SLC15A5: variants seen among roughly 807,000 people sequenced by gnomAD.
SLC15A5 encodes Peptide/histidine transporter ENSP00000340402.
A neutral mutation model predicts 56.1 loss-of-function variants in SLC15A5; 58 were observed. That is an observed-to-expected ratio of 1.03 (90% CI 0.84 to 1.29). The LOEUF is 1.29. Among genes scored for constraint, SLC15A5 ranks in the 50% most tolerant of loss-of-function variants. The pLI is 0.00. For missense variants in SLC15A5, 681 were observed against 672.1 expected, an observed-to-expected ratio of 1.01 and a Z score of -0.15; for synonymous variants, 264 against 250.5, an observed-to-expected ratio of 1.05 and a Z score of -0.51.
intron 7 of SLC15A5, among the ~76,000 whole-genome samples, chr12:16,213,732 G>A (rs553285481): frequency 6.6e-6 from 1 of 152,238 alleles, no homozygotes; most frequent in African/African-American, 2.4e-5. Flanking sequence ...ATTGATGAGT[G>A]GTAATTTAAA....
At chr12:16,233,474 G>T (rs1363611494) in intron 5 of SLC15A5, among the ~76,000 whole-genome samples, 3 of 152,154 alleles carry the variant, frequency 2.0e-5, no homozygotes, top group Admixed American at 6.5e-5. Context: ...CAAATCAGTT[G>T]CAAATGTTCA....
At chr12:16,224,701 C>G in intron 5 of SLC15A5, 99 bp from the exon 6 acceptor site, 1 of 1,177,598 alleles carries the variant, frequency 8.5e-7, no homozygotes, top group Non-Finnish European at 1.1e-6. Context: ...TTAGATGTTT[C>G]TTTTTTGTTT....
chr12:16,240,268 C>T (rs1172443478), intron 4 of SLC15A5, among the ~76,000 whole-genome samples: 3 of 151,920 alleles, frequency 2.0e-5, no homozygotes, highest in Non-Finnish European at 4.4e-5. Context: ...TCTGTTTTTA[C>T]CCTGATGAAA....
chr12:16,222,606 A>G (rs1165687668), intron 6 of SLC15A5, among the ~76,000 whole-genome samples: 3 of 152,202 alleles, frequency 2.0e-5, no homozygotes, highest in Non-Finnish European at 2.9e-5. Flanking sequence ...CATTATCCCA[A>G]TAGCAGATGA....
intron 1 of SLC15A5, among the ~76,000 whole-genome samples, chr12:16,274,929 T>C (rs1471220303): frequency 6.6e-6 from 1 of 152,040 alleles, no homozygotes; most frequent in African/African-American, 2.4e-5. Flanking sequence ...CAATGACATA[T>C]ATGAAGAAAA....
At chr12:16,199,024 C>G (rs1164522412) in intron 7 of SLC15A5, among the ~76,000 whole-genome samples, 1 of 151,960 alleles carries the variant, frequency 6.6e-6, no homozygotes, top group African/African-American at 2.4e-5. Flanking sequence ...CCCTATTAGC[C>G]AGGCCAGCTG....
At chr12:16,232,325 C>T (rs999153045) in intron 5 of SLC15A5, among the ~76,000 whole-genome samples, 1 of 151,978 alleles carries the variant, frequency 6.6e-6, no homozygotes, top group Non-Finnish European at 1.5e-5. Context: ...AAAAATCAAA[C>T]AAACACATTT....
At chr12:16,204,083 G>A (rs1268842379) in intron 7 of SLC15A5, among the ~76,000 whole-genome samples, 1 of 152,060 alleles carries the variant, frequency 6.6e-6, no homozygotes, top group Non-Finnish European at 1.5e-5. Context: ...TTATATACTT[G>A]GATGGACCAC....
chr12:16,257,701 G>A lies in SLC15A5; in HGVS notation c.754C>T (p.Arg252Cys), dbSNP rs1439141234. The change falls in exon 3 of 9, where the codon CGT (arginine) becomes TGT (cysteine). Residue 252 changes from arginine (R) to cysteine (C), a missense_variant and splice_region_variant. By Grantham distance (180) the Arg-to-Cys change is radical. Transcript: ENST00000344941. ...YYNLIYQSEKRCSLLTGVGVL... is the reference protein window; with the variant it reads ...YYNLIYQSEKCCSLLTGVGVL... ...TCAATGTAACGCATAATTTACTTAC[G>A]TTTTTCTGACTGATAAATTAGGTTG... The A allele has an allele frequency of 1.9e-5, 28 of 1,456,904 alleles. No homozygotes were observed. The highest frequency in any genetic ancestry group is 2.9e-5 in the Admixed American group (1 of 34,804). The allele number at this position is 1,456,904 out of a possible 1,614,324, so 90.2% of individuals were successfully genotyped here. A position where few individuals can be genotyped will look rare whatever the true frequency, so the allele number is the denominator to read the frequency against.
intron 2 of SLC15A5, among the ~76,000 whole-genome samples, chr12:16,267,889 C>T (rs1215184088): frequency 1.2e-5 from 1 of 80,070 alleles, no homozygotes; most frequent in Non-Finnish European, 2.6e-5. Context: ...CAGGTTCACC[C>T]CACCATGCCT....
chr12:16,190,200 AAAG>A (rs1227052932), intron 8 of SLC15A5, among the ~76,000 whole-genome samples: 4 of 152,164 alleles, frequency 2.6e-5, no homozygotes, highest in Non-Finnish European at 5.9e-5. Context: ...CACCATTGTC[AAAG>A]AAGGAGTCTA....
At chr12:16,247,169 G>A (rs1180137327) in intron 3 of SLC15A5, among the ~76,000 whole-genome samples, 1 of 152,138 alleles carries the variant, frequency 6.6e-6, no homozygotes, top group African/African-American at 2.4e-5. Flanking sequence ...TTTATGTGAA[G>A]CACTGGCTTC....
intron 4 of SLC15A5, among the ~76,000 whole-genome samples, chr12:16,242,986 C>G (rs1222212023): frequency 6.6e-6 from 1 of 152,110 alleles, no homozygotes; most frequent in African/African-American, 2.4e-5. Context: ...TCTTCTAAAT[C>G]AGACTAGCTT....
intron 3 of SLC15A5, among the ~76,000 whole-genome samples, chr12:16,256,757 G>A (rs1245271174): frequency 6.6e-6 from 1 of 152,004 alleles, no homozygotes; most frequent in South Asian, 2.1e-4. Flanking sequence ...TACTCGGGAG[G>A]CTGAGGCAGG....
chr12:16,247,379 C>G (rs903362569), intron 3 of SLC15A5, among the ~76,000 whole-genome samples: 1 of 152,134 alleles, frequency 6.6e-6, no homozygotes, highest in Admixed American at 6.6e-5. Flanking sequence ...ATTTATTCCA[C>G]GTACTTACTG....
At chr12:16,208,550 G>A (rs868062265) in intron 7 of SLC15A5, among the ~76,000 whole-genome samples, 1 of 151,916 alleles carries the variant, frequency 6.6e-6, no homozygotes, top group Non-Finnish European at 1.5e-5. Context: ...GTGTGCCTAC[G>A]GTCCTACTCC....
At position 16,269,148 on chromosome 12, in the gene SLC15A5, C is replaced by G. The variant is rs1393040814; in HGVS notation, c.584+3413G>C. Reference sequence around the variant, plus strand: ...TAAATTTCTACTATTTATAAGCCAGCCAATCTCTGCTGATTTGTTATTGCA... The same window carrying G: ...TAAATTTCTACTATTTATAAGCCAGGCAATCTCTGCTGATTTGTTATTGCA... On this transcript the variant is annotated intron_variant, in intron 2 of 8. Coordinates refer to ENST00000344941, the MANE Select transcript of SLC15A5 (RefSeq NM_001170798.1). This position sits in a 1 kb window ranked among gnomAD's most constrained non-coding sequence, Gnocchi z 4.7. Among the ~76,000 whole-genome samples the G allele has an allele frequency of 1.3e-5, 2 of 152,150 alleles. No homozygotes were observed. The highest frequency in any genetic ancestry group is 2.9e-5 in the Non-Finnish European group (2 of 68,034).
At chr12:16,251,666 T>A (rs1264884754) in intron 3 of SLC15A5, among the ~76,000 whole-genome samples, 1 of 151,728 alleles carries the variant, frequency 6.6e-6, no homozygotes, top group Non-Finnish European at 1.5e-5. Flanking sequence ...TGAAAAGACT[T>A]AAACAGTAAT....
intron 7 of SLC15A5, among the ~76,000 whole-genome samples, chr12:16,212,109 A>C (rs1864087767): frequency 6.6e-6 from 1 of 152,178 alleles, no homozygotes. Context: ...CTAAATGTAT[A>C]ATTATAGTGT....
Sources: gnomAD v4.1 joint callset for allele counts (sites outside exome capture counted in the v4.1 genomes callset) on GRCh38, gnomAD v4.1.1 for gene constraint, Gnocchi (gnomAD v3.1) non-coding constraint, MANE v1.5 for transcripts, NCBI Gene and HGNC (gene_info 2026-07-23, HGNC 2026-07-21) for gene names.